Variants in ADAM17 observed in about 807,000 individuals in gnomAD.
ADAM17 encodes ADAM metallopeptidase domain 17, also known as disintegrin and metalloproteinase domain-containing protein 17.
A neutral mutation model predicts 96.7 loss-of-function variants in ADAM17; 39 were observed. That is an observed-to-expected ratio of 0.40 (90% CI 0.31 to 0.53). The LOEUF is 0.53. ADAM17 is among the 20% of genes least tolerant of loss of function. ADAM17 has a pLI of 0.44. For missense variants in ADAM17, 777 were observed against 1,013.2 expected (o/e 0.77, Z 3.17); for synonymous variants, 344 against 359.2 (o/e 0.96, Z 0.48).
intron 4 of ADAM17, among the ~76,000 whole-genome samples, chr2:9,533,566 A>T (rs1664839948): frequency 1.3e-5 from 2 of 152,200 alleles, no homozygotes; most frequent in Non-Finnish European, 2.9e-5. Context: ...AAAAGAATAA[A>T]TTATTCTAAG....
chr2:9,545,788 C>T (rs6726098), intron 1 of ADAM17, among the ~76,000 whole-genome samples: 9,775 of 152,088 alleles, frequency 0.064, 1,109 homozygotes, highest in African/African-American at 0.22. Flanking sequence ...AAATGTCGTT[C>T]ACAAAAGGTT....
chr2:9,547,802 C>T (rs1329046653), intron 1 of ADAM17, among the ~76,000 whole-genome samples: 1 of 152,152 alleles, frequency 6.6e-6, no homozygotes, highest in Non-Finnish European at 1.5e-5. Flanking sequence ...GTCATCCCAG[C>T]ACCTTGGGAG....
intron 12 of ADAM17, among the ~76,000 whole-genome samples, chr2:9,503,991 A>AAAT (rs1663202520): frequency 6.6e-6 from 1 of 151,956 alleles, no homozygotes; most frequent in Non-Finnish European, 1.5e-5. Flanking sequence ...CATCTCTATA[A>AAAT]AAAATACAAA....
chr2:9,555,075 G>C (rs1665697908), intron 1 of ADAM17, among the ~76,000 whole-genome samples: 1 of 151,776 alleles, frequency 6.6e-6, no homozygotes, highest in South Asian at 2.1e-4. Context: ...TCCCTCCTTC[G>C]AGGACCAGGA....
At chr2:9,545,505 G>A (rs1665370145) in intron 1 of ADAM17, among the ~76,000 whole-genome samples, 1 of 149,536 alleles carries the variant, frequency 6.7e-6, no homozygotes, top group Non-Finnish European at 1.5e-5. Context: ...GGGAGGCGGA[G>A]GTTGCAGTGA....
intron 4 of ADAM17, among the ~76,000 whole-genome samples, chr2:9,533,103 C>T (rs544827069): frequency 1.9e-3 from 295 of 151,400 alleles, no homozygotes; most frequent in Non-Finnish European, 3.3e-3. Context: ...GCAGGAGAAT[C>T]GCTTTAACCT....
intron 8 of ADAM17, among the ~76,000 whole-genome samples, chr2:9,520,660 T>C (rs1475141678): frequency 1.3e-5 from 2 of 152,068 alleles, no homozygotes; most frequent in African/African-American, 4.8e-5. Context: ...TCAAAGATAT[T>C]AAGGTTAAGA....
At chr2:9,515,904 C>T (rs1400444985) in intron 10 of ADAM17, among the ~76,000 whole-genome samples, 1 of 152,072 alleles carries the variant, frequency 6.6e-6, no homozygotes, top group East Asian at 1.9e-4. Context: ...TTCTAATAAG[C>T]TACTAGTAAT....
intron 7 of ADAM17, chr2:9,521,787 A>G (rs1208446643): frequency 7.4e-6 from 1 of 135,592 alleles, no homozygotes; most frequent in Admixed American, 7.2e-5. Flanking sequence ...TCCCATTAGT[A>G]AGTGTGAGAT....
chr2:9,544,597 G>A (rs1665337905), intron 1 of ADAM17, among the ~76,000 whole-genome samples: 2 of 151,908 alleles, frequency 1.3e-5, no homozygotes, highest in Admixed American at 6.6e-5. Context: ...GGAGGCCAAG[G>A]CAGGGGGATC....
intron 2 of ADAM17, among the ~76,000 whole-genome samples, chr2:9,537,876 A>AGAGGGGAGGGGAGGG (rs1256562098): frequency 1.6e-5 from 1 of 63,524 alleles, no homozygotes; most frequent in Admixed American, 1.5e-4. Flanking sequence ...AGACAGGAAA[A>AGAGGGGAGGGGAGGG]GAGGGGAGGG....
intron 1 of ADAM17, among the ~76,000 whole-genome samples, chr2:9,544,857 T>G (rs6739799): frequency 0.064 from 9,786 of 152,154 alleles, 1,113 homozygotes; most frequent in African/African-American, 0.22. Context: ...AAAGGGCTAT[T>G]TTTTATTCAT....
intron 4 of ADAM17, among the ~76,000 whole-genome samples, chr2:9,534,913 A>G (rs1019054770): frequency 3.9e-5 from 6 of 152,244 alleles, no homozygotes; most frequent in African/African-American, 9.6e-5. Flanking sequence ...TGCATTTATA[A>G]TATTAGTTCC....
intron 14 of ADAM17, 62 bp from the exon 15 acceptor site, chr2:9,494,829 C>T: frequency 1.3e-6 from 2 of 1,588,834 alleles, no homozygotes; most frequent in Non-Finnish European, 1.7e-6. Flanking sequence ...CCTCCTGCCT[C>T]CTCTTTCCTC....
intron 3 of ADAM17, 39 bp downstream of exon 3, chr2:9,536,659 C>T: frequency 1.2e-6 from 2 of 1,611,262 alleles, no homozygotes; most frequent in South Asian, 1.1e-5. Context: ...AGACCTAATA[C>T]ACCAGACACA....
At chr2:9,526,068 C>A in intron 6 of ADAM17, 43 bp downstream of exon 6, 1 of 1,548,046 alleles carries the variant, frequency 6.5e-7, no homozygotes, top group Non-Finnish European at 8.7e-7. Flanking sequence ...TGTACCCACC[C>A]AAATTTTTTT....
intron 16 of ADAM17, 100 bp from the exon 17 acceptor site, chr2:9,493,086 G>T: frequency 1.0e-6 from 1 of 960,762 alleles, no homozygotes; most frequent in Non-Finnish European, 1.6e-6. Context: ...TGCCAGAGCT[G>T]CTGGCTAGAC....
At chr2:9,539,633 C>T (rs12475061) in intron 2 of ADAM17, among the ~76,000 whole-genome samples, 62,850 of 151,984 alleles carry the variant, frequency 0.41, 14,124 homozygotes, top group Middle Eastern at 0.61. Flanking sequence ...TCTCATTTAC[C>T]ATCAAGTAAT....
chr2:9,522,447 GA>G (rs1422514751), intron 7 of ADAM17: 5 of 601,004 alleles, frequency 8.3e-6, no homozygotes, highest in Admixed American at 2.2e-5. Context: ...AACTTAAAAA[GA>G]AAATGCGTAA....
Sources: allele counts gnomAD v4.1 joint callset (sites outside exome capture counted in the v4.1 genomes callset), GRCh38; gene constraint gnomAD v4.1.1; transcripts MANE v1.5; gene names NCBI Gene and HGNC (gene_info 2026-07-23, HGNC 2026-07-21).